MARCHF4: variants seen among roughly 807,000 people sequenced by gnomAD.
MARCHF4 encodes the protein membrane associated ring-CH-type finger 4.
Under a neutral mutation model 43.9 loss-of-function variants are expected in MARCHF4, and 14 were observed. That is an observed-to-expected ratio of 0.32 (90% CI 0.21 to 0.50). The LOEUF is 0.50. MARCHF4 is among the 20% of genes least tolerant of loss of function. MARCHF4 has a pLI of 0.98. For synonymous variants in MARCHF4, 226 were observed against 213.3 expected (o/e 1.06, Z -0.52); for missense variants, 468 against 536.7 (o/e 0.87, Z 1.27).
chr2:216,299,426 C>A (rs1691452467), intron 1 of MARCHF4, among the ~76,000 whole-genome samples: 1 of 152,186 alleles, frequency 6.6e-6, no homozygotes, highest in Non-Finnish European at 1.5e-5. Flanking sequence ...AAAGGTCCCA[C>A]ATTTAAAACT....
chr2:216,275,835 C>G (rs547703846), intron 3 of MARCHF4, among the ~76,000 whole-genome samples: 2 of 152,120 alleles, frequency 1.3e-5, no homozygotes, highest in Admixed American at 1.3e-4. Flanking sequence ...TCTGAGCAGG[C>G]GTTTTGAGAT....
chr2:216,296,489 A>C (rs1489965489), intron 1 of MARCHF4, among the ~76,000 whole-genome samples: 2 of 152,180 alleles, frequency 1.3e-5, no homozygotes, highest in Non-Finnish European at 1.5e-5. Context: ...GAGGAAACAA[A>C]CAGCATCTCC....
At chr2:216,276,204 A>C (rs1691019057) in intron 3 of MARCHF4, among the ~76,000 whole-genome samples, 1 of 152,240 alleles carries the variant, frequency 6.6e-6, no homozygotes, top group African/African-American at 2.4e-5. Flanking sequence ...AAGGGCAGCT[A>C]GAGGGGCCCC....
intron 3 of MARCHF4, among the ~76,000 whole-genome samples, chr2:216,276,573 C>G (rs1229671699): frequency 6.6e-6 from 1 of 152,176 alleles, no homozygotes; most frequent in African/African-American, 2.4e-5. Flanking sequence ...CTTTTCTGAT[C>G]CCTAATATTA....
At chr2:216,304,423 A>G (rs1458841651) in intron 1 of MARCHF4, among the ~76,000 whole-genome samples, 1 of 152,192 alleles carries the variant, frequency 6.6e-6, no homozygotes, top group African/African-American at 2.4e-5. Flanking sequence ...CAGACTTGCA[A>G]AACTGACACC....
chr2:216,354,705 G>T (rs1002480238), intron 1 of MARCHF4, among the ~76,000 whole-genome samples: 2 of 152,148 alleles, frequency 1.3e-5, no homozygotes, highest in African/African-American at 4.8e-5. Flanking sequence ...TGACCTTGGG[G>T]GATGGAGGAT....
chr2:216,310,699 T>C (rs1691672191), intron 1 of MARCHF4, among the ~76,000 whole-genome samples: 1 of 152,224 alleles, frequency 6.6e-6, no homozygotes, highest in Non-Finnish European at 1.5e-5. Flanking sequence ...CCAGTCTGGC[T>C]TTCTGGTCCT....
At chr2:216,295,248 G>A (rs1352946682) in intron 1 of MARCHF4, among the ~76,000 whole-genome samples, 1 of 152,064 alleles carries the variant, frequency 6.6e-6, no homozygotes, top group Admixed American at 6.6e-5. Flanking sequence ...ACAAGGTGAG[G>A]GTTTTTGTTT....
intron 1 of MARCHF4, chr2:216,321,632 C>A (rs1691896848): frequency 1.3e-5 from 2 of 152,198 alleles, no homozygotes; most frequent in African/African-American, 4.8e-5. Flanking sequence ...ATGGATCCTT[C>A]AGGTCTCCTT....
chr2:216,294,179 T>G (rs1691355720), intron 1 of MARCHF4, among the ~76,000 whole-genome samples: 2 of 152,238 alleles, frequency 1.3e-5, no homozygotes, highest in Non-Finnish European at 2.9e-5. Flanking sequence ...GTTCTCTTTC[T>G]TTCCCAGAAA....
rs536657182 is a variant in MARCHF4 at position 216,329,162 on chromosome 2, C to T, written c.516+40583G>A. On this transcript the variant is annotated intron_variant, in intron 1 of 3. Transcript: ENST00000273067. ...TTGGGAGGCCAAGGCGGGTGGATCA[C>T]GAGGTCAGGAGATCGAGACCATCCC... Among the ~76,000 whole-genome samples, 57 of 152,222 alleles carry T rather than the reference C, an allele frequency of 3.7e-4. 1 individual carries two copies. The highest frequency in any genetic ancestry group is 3.4e-3 in the Middle Eastern group (1 of 294).
intron 1 of MARCHF4, among the ~76,000 whole-genome samples, chr2:216,293,643 T>C (rs1359634888): frequency 1.2e-5 from 1 of 85,002 alleles, no homozygotes; most frequent in Non-Finnish European, 3.5e-5. Context: ...CTCCAAACTA[T>C]GTTTTTCATT....
chr2:216,305,751 G>C (rs1200917215), intron 1 of MARCHF4, among the ~76,000 whole-genome samples: 1 of 152,174 alleles, frequency 6.6e-6, no homozygotes, highest in African/African-American at 2.4e-5. Context: ...CCCATATGGA[G>C]ATGGAGCAAC....
intron 1 of MARCHF4, among the ~76,000 whole-genome samples, chr2:216,301,072 C>T (rs16855871): frequency 0.032 from 4,825 of 152,278 alleles, 262 homozygotes; most frequent in African/African-American, 0.11. Flanking sequence ...CCAGCGCATC[C>T]TGCTGGGGAG....
rs1559280527 is a variant in MARCHF4 at position 216,263,510 on chromosome 2, AGAG to A, written c.866-3834_866-3832del. On this transcript the variant is annotated intron_variant, in intron 3 of 3. Transcript: ENST00000273067. ...GAGAGAGAAAGAGAGAGAGAGAGAG[AGAG>A]AGAGAGAGAGAGAGAGAGAGAGAGA... Among the ~76,000 whole-genome samples the A allele has an allele frequency of 1.8e-3, 233 of 127,672 alleles. 2 individuals are homozygous for A. Among genetic ancestry groups the A allele is most frequent in the African/African-American group, 5.3e-3 (145 of 27,110 alleles). The allele number at this position is 127,672 out of a possible 152,430, so 83.8% of individuals were successfully genotyped here. A position where few individuals can be genotyped will look rare whatever the true frequency, so the allele number is the denominator to read the frequency against.
At chr2:216,316,275 C>G (rs937390874) in intron 1 of MARCHF4, among the ~76,000 whole-genome samples, 1 of 152,174 alleles carries the variant, frequency 6.6e-6, no homozygotes, top group African/African-American at 2.4e-5. Flanking sequence ...CTGTGCTTCC[C>G]GGAGAGCAGC....
At chr2:216,259,794 G>T in intron 3 of MARCHF4, 115 bp from the exon 4 acceptor site, 1 of 1,041,784 alleles carries the variant, frequency 9.6e-7, no homozygotes, top group Non-Finnish European at 1.4e-6. Flanking sequence ...CCAGTGCTGA[G>T]CCATGGGAGG....
At chr2:216,361,942 A>T (rs1692589618) in intron 1 of MARCHF4, among the ~76,000 whole-genome samples, 1 of 152,192 alleles carries the variant, frequency 6.6e-6, no homozygotes, top group East Asian at 1.9e-4. Flanking sequence ...CATCATGTCA[A>T]TTCCTTACAA....
intron 1 of MARCHF4, among the ~76,000 whole-genome samples, chr2:216,342,174 T>C (rs1369119916): frequency 1.3e-5 from 2 of 152,228 alleles, no homozygotes; most frequent in African/African-American, 4.8e-5. Flanking sequence ...TCTTTGCCCA[T>C]ATGCCCTCTG....
Sources: allele counts gnomAD v4.1 joint callset (sites outside exome capture counted in the v4.1 genomes callset), GRCh38; gene constraint gnomAD v4.1.1; transcripts MANE v1.5; gene names NCBI Gene and HGNC (gene_info 2026-07-23, HGNC 2026-07-21).